Variants in GALNT13 observed in about 807,000 individuals in gnomAD.
GALNT13 encodes UDP-GalNAc:polypeptide N-acetylgalactosaminyltransferase 13.
GALNT13 carries 28 observed loss-of-function variants against 64.2 expected under a neutral mutation model. The observed-to-expected ratio is 0.44, with a 90% CI of 0.32 to 0.60. The LOEUF (loss-of-function observed/expected upper bound fraction) is 0.60. GALNT13 is among the 20% of genes least tolerant of loss of function. GALNT13 has a pLI of 0.05. For missense variants in GALNT13, 577 were observed against 669.8 expected, an observed-to-expected ratio of 0.86 and a Z score of 1.53; for synonymous variants, 214 against 224.6, an observed-to-expected ratio of 0.95 and a Z score of 0.42.
chr2:154,418,081 T>C (rs2105416313), intron 11 of GALNT13, among the ~76,000 whole-genome samples: 1 of 152,332 alleles, frequency 6.6e-6, no homozygotes, highest in South Asian at 2.1e-4. Context: ...TTGTTGTTTT[T>C]CTTTTTAAAA....
intron 3 of GALNT13, among the ~76,000 whole-genome samples, chr2:154,049,431 T>C (rs1173645450): frequency 4.8e-5 from 7 of 145,926 alleles, no homozygotes; most frequent in Non-Finnish European, 9.0e-5. Flanking sequence ...TAATGGTATA[T>C]ATACTATTCA....
intron 3 of GALNT13, among the ~76,000 whole-genome samples, chr2:154,039,926 G>T (rs66555255): frequency 0.06 from 8,335 of 139,898 alleles, 1,322 homozygotes; most frequent in South Asian, 0.14. Context: ...AAAGAAAAAA[G>T]TGTCTATAAT....
At chr2:153,499,084 C>A in the GALNT13 span, among the ~76,000 whole-genome samples, 3 of 152,158 alleles carry the variant, frequency 2.0e-5, no homozygotes, top group Non-Finnish European at 2.9e-5. Context: ...ATCTCCTTAC[C>A]TCGTGATCCG....
At chr2:153,870,154 G>A (rs1685831955), upstream of GALNT13, among the ~76,000 whole-genome samples, 2 of 151,918 alleles carry the variant, frequency 1.3e-5, no homozygotes, top group African/African-American at 4.8e-5. Context: ...ATGTTTATTG[G>A]TTGGGGCTAA....
At chr2:153,776,860 A>G in the GALNT13 span, among the ~76,000 whole-genome samples, 1 of 152,264 alleles carries the variant, frequency 6.6e-6, no homozygotes, top group South Asian at 2.1e-4. Context: ...TTATTAAGGC[A>G]CTAAGTTTCT....
At chr2:154,353,064 A>G (rs1255968962) in intron 9 of GALNT13, among the ~76,000 whole-genome samples, 1 of 152,134 alleles carries the variant, frequency 6.6e-6, no homozygotes, top group African/African-American at 2.4e-5. Flanking sequence ...TTTACACTAC[A>G]ATGACCTGAA....
chr2:153,586,995 T>A, the GALNT13 span, among the ~76,000 whole-genome samples: 1 of 151,352 alleles, frequency 6.6e-6, no homozygotes, highest in African/African-American at 2.4e-5. Context: ...AATTTGGGAG[T>A]CTGAGGCAGA....
intron 3 of GALNT13, among the ~76,000 whole-genome samples, chr2:154,056,075 A>G (rs1699879030): frequency 6.6e-6 from 1 of 152,130 alleles, no homozygotes; most frequent in African/African-American, 2.4e-5. Flanking sequence ...TAGGTAAGAA[A>G]ATGTTTTCAT....
chr2:153,290,964 T>C, the GALNT13 span, among the ~76,000 whole-genome samples: 1 of 152,208 alleles, frequency 6.6e-6, no homozygotes, highest in Non-Finnish European at 1.5e-5. Context: ...ATTTAGCAGA[T>C]CTAAATCTAG....
the GALNT13 span, among the ~76,000 whole-genome samples, chr2:153,585,301 A>C: frequency 6.7e-6 from 1 of 148,306 alleles, no homozygotes; most frequent in African/African-American, 2.6e-5. Flanking sequence ...TTAAAGCCTC[A>C]ACAACGGATT....
chr2:153,369,655 C>T, the GALNT13 span, among the ~76,000 whole-genome samples: 1 of 152,158 alleles, frequency 6.6e-6, no homozygotes, highest in Non-Finnish European at 1.5e-5. Context: ...TCATGAGACT[C>T]CACTTCTGAA....
intron 10 of GALNT13, among the ~76,000 whole-genome samples, chr2:154,408,532 A>G (rs1158005849): frequency 6.6e-6 from 1 of 152,114 alleles, no homozygotes; most frequent in Non-Finnish European, 1.5e-5. Flanking sequence ...TAATGAAGCA[A>G]TCTAAAAAGA....
intron 2 of GALNT13, among the ~76,000 whole-genome samples, chr2:153,940,020 TATC>T (rs1691223629): frequency 6.6e-6 from 1 of 152,138 alleles, no homozygotes; most frequent in East Asian, 1.9e-4. Context: ...AATTTTAGCG[TATC>T]ATCAATATTC....
intron 8 of GALNT13, among the ~76,000 whole-genome samples, chr2:154,264,264 CAGAT>C (rs986092716): frequency 3.3e-5 from 5 of 152,036 alleles, no homozygotes; most frequent in African/African-American, 1.2e-4. Context: ...ATCCTCCAGA[CAGAT>C]TGATTCATGA....
At chr2:154,005,893 C>G (rs1234008567) in intron 3 of GALNT13, among the ~76,000 whole-genome samples, 2 of 152,112 alleles carry the variant, frequency 1.3e-5, no homozygotes, top group East Asian at 3.9e-4. Flanking sequence ...TTAGAATTTT[C>G]CTTTTGGATT....
intron 4 of GALNT13, among the ~76,000 whole-genome samples, chr2:154,229,453 G>T (rs996834703): frequency 2.0e-5 from 3 of 152,104 alleles, no homozygotes; most frequent in Non-Finnish European, 4.4e-5. Context: ...TTCATATTTT[G>T]CACTGAAAAC....
At chr2:153,721,107 G>C in the GALNT13 span, among the ~76,000 whole-genome samples, 36 of 147,702 alleles carry the variant, frequency 2.4e-4, no homozygotes, top group Non-Finnish European at 4.8e-4. Flanking sequence ...ACTAACAGCG[G>C]ATCTCTCGGC....
chr2:153,082,259 C>T, the GALNT13 span, among the ~76,000 whole-genome samples: 20 of 151,932 alleles, frequency 1.3e-4, no homozygotes, highest in East Asian at 1.6e-3. Flanking sequence ...ACCTTTCACC[C>T]GAGCAGTGTA....
chr2:153,515,632 A>C, the GALNT13 span, among the ~76,000 whole-genome samples: 2 of 152,142 alleles, frequency 1.3e-5, no homozygotes, highest in Non-Finnish European at 2.9e-5. Flanking sequence ...AGTTATAATA[A>C]ATTTAATAGC....
Sources: gnomAD v4.1 joint callset for allele counts (sites outside exome capture counted in the v4.1 genomes callset) on GRCh38, gnomAD v4.1.1 for gene constraint, MANE v1.5 for transcripts, NCBI Gene and HGNC (gene_info 2026-07-23, HGNC 2026-07-21) for gene names.